The following RBFOX1 variants were observed in gnomAD, a reference collection of about 807,000 sequenced individuals.
RBFOX1 encodes RNA binding protein fox-1 homolog 1.
RBFOX1 carries 8 observed loss-of-function variants against 57.7 expected under a neutral mutation model. The observed-to-expected ratio is 0.14, with a 90% CI of 0.08 to 0.25. The LOEUF (loss-of-function observed/expected upper bound fraction) is 0.25, where lower values mean the gene tolerates loss of function less well. Ranked by LOEUF, RBFOX1 falls within the 10% of genes least tolerant of loss-of-function variation. The pLI, the probability that RBFOX1 is intolerant of heterozygous loss-of-function variation, is 1.00. For synonymous variants in RBFOX1, 326 were observed against 222.4 expected, an observed-to-expected ratio of 1.47 and a Z score of -4.15; for missense variants, 611 against 548.5, an observed-to-expected ratio of 1.11 and a Z score of -1.14.
intron 3 of RBFOX1, among the ~76,000 whole-genome samples, chr16:6,907,082 C>G (rs1057026938): frequency 6.6e-6 from 1 of 152,156 alleles, no homozygotes; most frequent in African/African-American, 2.4e-5. Flanking sequence ...TCTCCGTATT[C>G]CAAGGATTCT....
chr16:5,420,391 T>TACAC (rs59939324), intron 1 of RBFOX1, among the ~76,000 whole-genome samples: 7 of 151,038 alleles, frequency 4.6e-5, no homozygotes, highest in East Asian at 2.0e-4. Context: ...CACCCCCATA[T>TACAC]ACACACACAC....
chr16:5,502,860 A>G (rs2151702344), intron 2 of RBFOX1, among the ~76,000 whole-genome samples: 1 of 152,332 alleles, frequency 6.6e-6, no homozygotes, highest in Middle Eastern at 3.4e-3. Flanking sequence ...CAGGGAGACC[A>G]GAGCACAGGA....
chr16:5,288,208 G>A (rs35476669), intron 1 of RBFOX1, among the ~76,000 whole-genome samples: 50,173 of 151,584 alleles, frequency 0.33, 8,666 homozygotes, highest in Admixed American at 0.47. Flanking sequence ...TTGTAGATTT[G>A]AATTTTACAA....
chr16:6,968,808 T>C (rs951615902), intron 3 of RBFOX1, among the ~76,000 whole-genome samples: 2 of 151,576 alleles, frequency 1.3e-5, no homozygotes, highest in Non-Finnish European at 2.9e-5. Flanking sequence ...AATGTATTAA[T>C]CCAGGTTTTT....
chr16:5,802,031 G>T (rs2055075439), intron 3 of RBFOX1, among the ~76,000 whole-genome samples: 1 of 152,130 alleles, frequency 6.6e-6, no homozygotes, highest in African/African-American at 2.4e-5. Flanking sequence ...AGGAGACCTT[G>T]ACGGGGCCTC....
At chr16:5,856,703 T>C (rs2057081414) in intron 3 of RBFOX1, among the ~76,000 whole-genome samples, 1 of 150,582 alleles carries the variant, frequency 6.6e-6, no homozygotes, top group South Asian at 2.1e-4. Context: ...TTCTTAAACC[T>C]CATGAGCCAG....
rs1469345062 is a variant in RBFOX1 at position 5,946,294 on chromosome 16, CAT to C, written c.351+78961_351+78962del. Among the ~76,000 whole-genome samples, 1 of 152,212 alleles carries C rather than the reference CAT, an allele frequency of 6.6e-6. No homozygotes were observed. Among genetic ancestry groups the C allele is most frequent in the African/African-American group, 2.4e-5 (1 of 41,448 alleles). On this transcript the variant is annotated intron_variant, in intron 4 of 19. Transcript: ENST00000641259. The surrounding 1 kb of genome is among the most constrained non-coding windows in gnomAD (Gnocchi z 4.6). The stretch of plus-strand genomic sequence containing the variant: ...AGGGACACAATCATAGGACCTCCCT[CAT>C]AGGGTTATTTGAGGCTCAGACTAAA...
intron 3 of RBFOX1, among the ~76,000 whole-genome samples, chr16:6,911,177 G>C (rs2153432423): frequency 6.9e-6 from 1 of 144,156 alleles, no homozygotes; most frequent in Non-Finnish European, 1.5e-5. Flanking sequence ...ACTCCAACCT[G>C]GGCAACAAGA....
chr16:7,035,065 C>G (rs1251191749), intron 3 of RBFOX1, among the ~76,000 whole-genome samples: 2 of 151,446 alleles, frequency 1.3e-5, no homozygotes, highest in African/African-American at 2.4e-5. Context: ...CCAGGGTGGT[C>G]TCAAACTTGT....
intron 4 of RBFOX1, among the ~76,000 whole-genome samples, chr16:7,294,168 C>G (rs1432667395): frequency 6.6e-6 from 1 of 152,068 alleles, no homozygotes; most frequent in Admixed American, 6.6e-5. Context: ...CCAAAGTAGA[C>G]CTTCCCACCC....
At chr16:6,812,732 C>G (rs753368118) in intron 3 of RBFOX1, among the ~76,000 whole-genome samples, 6 of 152,052 alleles carry the variant, frequency 3.9e-5, no homozygotes, top group Non-Finnish European at 5.9e-5. Flanking sequence ...CAAGTGTGGC[C>G]TCATGCAACA....
intron 4 of RBFOX1, among the ~76,000 whole-genome samples, chr16:7,488,588 G>A (rs12447796): frequency 0.98 from 148,525 of 152,146 alleles, 72,586 homozygotes; most frequent in East Asian, 1. Flanking sequence ...TTCTGACATC[G>A]TCTATCTATA....
chr16:7,081,235 A>T (rs554473991), intron 4 of RBFOX1, among the ~76,000 whole-genome samples: 2 of 152,336 alleles, frequency 1.3e-5, no homozygotes, highest in South Asian at 4.1e-4. Flanking sequence ...GGGTTTCGCC[A>T]TGTTGGCTGG....
At chr16:6,847,657 C>T (rs59242080) in intron 3 of RBFOX1, among the ~76,000 whole-genome samples, 2 of 152,022 alleles carry the variant, frequency 1.3e-5, no homozygotes, top group Non-Finnish European at 2.9e-5. Flanking sequence ...CAGTCGACCA[C>T]AGCATAACTA....
At chr16:6,592,968 G>A (rs577351020) in intron 2 of RBFOX1, among the ~76,000 whole-genome samples, 61 of 152,228 alleles carry the variant, frequency 4.0e-4, no homozygotes, top group African/African-American at 1.4e-3. Context: ...TGAGGCAAGC[G>A]GATCATCTGA....
intron 3 of RBFOX1, among the ~76,000 whole-genome samples, chr16:7,013,656 A>C (rs574766363): frequency 6.6e-6 from 1 of 152,214 alleles, no homozygotes; most frequent in Non-Finnish European, 1.5e-5. Flanking sequence ...TTAACAAATT[A>C]TATAAAGTCT....
rs192474183 is a variant in RBFOX1 at position 5,593,308 on chromosome 16, G to T, written c.259-5594G>T. On this transcript the variant is annotated intron_variant, in intron 2 of 2. Coordinates refer to the RBFOX1 transcript ENST00000585867. ...TTGAACAATAAGAACACATGGACAC[G>T]GGGAGGGGAACATCACATACCGGGG... Among the ~76,000 whole-genome samples, 5 of 151,892 alleles carry T rather than the reference G, an allele frequency of 3.3e-5. No individual in the cohort carries two copies. In the East Asian group the frequency reaches 9.7e-4, roughly 29 times the overall value.
chr16:7,387,002 G>A (rs2097895268), intron 4 of RBFOX1, among the ~76,000 whole-genome samples: 2 of 152,158 alleles, frequency 1.3e-5, no homozygotes, highest in African/African-American at 2.4e-5. Context: ...TTATTCATAT[G>A]TTTGTTGGCT....
At chr16:7,654,719 A>G (rs144416968) in intron 12 of RBFOX1, among the ~76,000 whole-genome samples, 4 of 152,302 alleles carry the variant, frequency 2.6e-5, no homozygotes, top group Middle Eastern at 3.4e-3. Flanking sequence ...TCCTGCTAGA[A>G]TATTCTTGCA....
Sources: gnomAD v4.1 joint callset for allele counts (sites outside exome capture counted in the v4.1 genomes callset) on GRCh38, gnomAD v4.1.1 for gene constraint, Gnocchi (gnomAD v3.1) non-coding constraint, MANE v1.5 for transcripts, NCBI Gene and HGNC (gene_info 2026-07-23, HGNC 2026-07-21) for gene names.